IPO9: variants seen among roughly 807,000 people sequenced by gnomAD.
The protein encoded by IPO9 is importin-9.
Under a neutral mutation model 128.6 loss-of-function variants are expected in IPO9, and 28 were observed. The observed-to-expected ratio is 0.22, with a 90% CI of 0.16 to 0.30. The LOEUF (loss-of-function observed/expected upper bound fraction) is 0.30. Ranked by LOEUF, IPO9 falls within the 10% of genes least tolerant of loss-of-function variation. IPO9 has a pLI of 1.00. For missense variants in IPO9, 935 were observed against 1,293.9 expected (o/e 0.72, Z 4.26); for synonymous variants, 455 against 475.8 (o/e 0.96, Z 0.57).
intron 1 of IPO9, among the ~76,000 whole-genome samples, chr1:201,844,898 A>G (rs968194723): frequency 2.0e-5 from 3 of 152,236 alleles, no homozygotes; most frequent in African/African-American, 7.2e-5. Context: ...AATAATAGCA[A>G]AATAACTTAT....
intron 17 of IPO9, 29 bp downstream of exon 17, chr1:201,869,747 G>A (rs1193349000): frequency 1.3e-5 from 21 of 1,611,972 alleles, no homozygotes; most frequent in Non-Finnish European, 1.7e-5. Flanking sequence ...GTAGAAGAGG[G>A]AAGATAGCTC....
rs1194270702 is a variant in IPO9 at position 201,876,194 on chromosome 1, A to T, written c.*140A>T. 1.3e-6 allele frequency: 1 copy of T among 756,974 alleles called. No individual in the cohort carries two copies. Among genetic ancestry groups the T allele is most frequent in the Non-Finnish European group, 2.5e-6 (1 of 407,768 alleles). 46.9% of individuals were successfully genotyped at this position (756,974 alleles called of 1,614,324 possible). On this transcript the variant is annotated 3_prime_UTR_variant, in exon 24 of 24. Transcript: ENST00000361565. Reference sequence around the variant, plus strand: ...GCCCTTGGCCTCGGCAGTGACACTGATGACAATTCAGACCAGGCTCACCGG... The same window carrying T: ...GCCCTTGGCCTCGGCAGTGACACTGTTGACAATTCAGACCAGGCTCACCGG...
rs769997412 is a variant in IPO9 at position 201,875,924 on chromosome 1, A to G, written c.3016-20A>G. 1.8e-5 allele frequency: 26 copies of G among 1,479,104 alleles called. No individual in the cohort carries two copies. The highest frequency in any genetic ancestry group is 2.0e-5 in the Non-Finnish European group (21 of 1,057,732). The allele number at this position is 1,479,104 out of a possible 1,614,324, so 91.6% of individuals were successfully genotyped here. ...TGACTTGCAATGTCTCACTAATGCC[A>G]CTCTTGCTCTTTCCTCCAGGCATAT... On this transcript the variant is annotated intron_variant, in intron 23 of 23. Coordinates refer to ENST00000361565, the MANE Select transcript of IPO9 (RefSeq NM_018085.5).
intron 21 of IPO9, 99 bp from the exon 22 acceptor site, chr1:201,874,733 C>A: frequency 1.2e-6 from 1 of 816,096 alleles, no homozygotes; most frequent in Non-Finnish European, 2.1e-6. Flanking sequence ...AGCCACATTG[C>A]AGAAGCCTTT....
intron 4 of IPO9, among the ~76,000 whole-genome samples, chr1:201,851,161 A>G (rs1383639049): frequency 1.4e-5 from 2 of 147,026 alleles, no homozygotes; most frequent in Non-Finnish European, 3.0e-5. Flanking sequence ...GACTGCAGAC[A>G]CATGCCACCA....
chr1:201,851,010 TTTTATTTA>T (rs745557334), intron 4 of IPO9, among the ~76,000 whole-genome samples: 1 of 151,830 alleles, frequency 6.6e-6, no homozygotes, highest in Non-Finnish European at 1.5e-5. Flanking sequence ...TTATTTTTAG[TTTTATTTA>T]TTTATTTATT....
intron 14 of IPO9, among the ~76,000 whole-genome samples, 188 bp from the exon 15 acceptor site, chr1:201,866,545 A>G (rs1322616098): frequency 6.6e-6 from 1 of 152,168 alleles, no homozygotes; most frequent in African/African-American, 2.4e-5. Flanking sequence ...AAAGAAATAA[A>G]TTACAGAACA....
intron 12 of IPO9, 100 bp downstream of exon 12, chr1:201,858,653 TTTTAA>T: frequency 1.1e-6 from 1 of 886,508 alleles, no homozygotes; most frequent in Non-Finnish European, 1.7e-6. Flanking sequence ...GAAAATCTGG[TTTTAA>T]TTTAATAACA....
At chr1:201,853,124 G>A in intron 6 of IPO9, 27 bp downstream of exon 6, 1 of 1,585,298 alleles carries the variant, frequency 6.3e-7, no homozygotes, top group Non-Finnish European at 8.7e-7. Context: ...ATCAATAACA[G>A]ACTTCATGCT....
chr1:201,851,580 C>G (rs923846251), intron 4 of IPO9, among the ~76,000 whole-genome samples: 3 of 151,656 alleles, frequency 2.0e-5, no homozygotes, highest in Admixed American at 1.3e-4. Flanking sequence ...CCCATTTGTT[C>G]CAGTTAGCAG....
intron 20 of IPO9, 108 bp from the exon 21 acceptor site, chr1:201,874,142 G>T (rs555772685): frequency 8.7e-7 from 1 of 1,146,876 alleles, no homozygotes; most frequent in African/African-American, 1.5e-5. Flanking sequence ...TACAGTGAAA[G>T]TCTGAGGGGT....
At chr1:201,829,957 G>A (rs1187454474) in intron 1 of IPO9, among the ~76,000 whole-genome samples, 1 of 152,122 alleles carries the variant, frequency 6.6e-6, no homozygotes, top group Non-Finnish European at 1.5e-5. Flanking sequence ...CATACTTAAC[G>A]TTTATTTTAA....
In IPO9 at chr1:201,829,470, G is replaced by C. The variant is rs1435916657; in HGVS notation, c.163+98G>C. On this transcript the variant is annotated intron_variant, in intron 1 of 23. Coordinates refer to ENST00000361565, the MANE Select transcript of IPO9 (RefSeq NM_018085.5). The stretch of plus-strand genomic sequence containing the variant: ...GGACATGGGGAGCCTGAGCCAGTTG[G>C]AGATGTGGGCGCCGAGAAGTGGAGC... 9.5e-6 allele frequency: 12 copies of C among 1,257,024 alleles called. No individual in the cohort carries two copies. In the East Asian group the frequency reaches 3.1e-4, roughly 33 times the overall value. 77.9% of individuals were successfully genotyped at this position (1,257,024 alleles called of 1,614,324 possible). A position where few individuals can be genotyped will look rare whatever the true frequency, so the allele number is the denominator to read the frequency against.
Position 201,848,479 on chromosome 1 carries a change from A to G in IPO9, c.399A>G (p.Ser133=). 6.2e-7 allele frequency: 1 copy of G among 1,614,196 alleles called. No individual in the cohort carries two copies. Among genetic ancestry groups the G allele is most frequent in the Non-Finnish European group, 8.5e-7 (1 of 1,180,020 alleles). The change falls in exon 4 of 24, where the codon TCA becomes TCG. Residue 133 remains serine (S), a synonymous_variant. Coordinates refer to ENST00000361565, the MANE Select transcript of IPO9 (RefSeq NM_018085.5). ...KVRSSVAYAV[S]AIAHWDWPEA... is the part of the protein sequence containing the mutation. ...GCTCCAGTGTGGCCTATGCAGTGTCAGCCATTGCCCACTGGGACTGGCCTG... is the reference window on the plus strand; with the variant it reads ...GCTCCAGTGTGGCCTATGCAGTGTCGGCCATTGCCCACTGGGACTGGCCTG...
At chr1:201,850,133 G>T (rs980014292) in intron 4 of IPO9, among the ~76,000 whole-genome samples, 4 of 152,200 alleles carry the variant, frequency 2.6e-5, no homozygotes, top group Non-Finnish European at 5.9e-5. Context: ...GGAAATTACT[G>T]TTCAGTGAGA....
At chr1:201,856,038 CAAAA>C (rs1276823910) in intron 10 of IPO9, 104 bp downstream of exon 10, 5 of 797,488 alleles carry the variant, frequency 6.3e-6, no homozygotes, top group Non-Finnish European at 9.2e-6. Context: ...AAAATAGACA[CAAAA>C]AGAATAATTT....
In IPO9 at chr1:201,875,856, C is replaced by G; in HGVS notation, c.3016-88C>G. The G allele has an allele frequency of 3.7e-6, 3 of 808,606 alleles. 1 individual carries two copies. The East Asian group carries it at 7.3e-5, about 20-fold the overall frequency. 50.1% of individuals were successfully genotyped at this position (808,606 alleles called of 1,614,324 possible). A position where few individuals can be genotyped will look rare whatever the true frequency, so the allele number is the denominator to read the frequency against. On this transcript the variant is annotated intron_variant, in intron 23 of 23. Transcript: ENST00000361565. ...TGGCATTTGTCTAAAAACCAGCATT[C>G]CCTGTGCCATTTGATTGTGGTTCTT...
chr1:201,864,169 A>G (rs1005721663), intron 14 of IPO9, among the ~76,000 whole-genome samples: 2 of 152,248 alleles, frequency 1.3e-5, no homozygotes, highest in Non-Finnish European at 2.9e-5. Context: ...ACTGAATCCT[A>G]TAACTACCAA....
In IPO9 at chr1:201,883,869, A is replaced by G. The variant is rs1680934874; in HGVS notation, c.*7815A>G. The G allele has an allele frequency of 6.6e-6, 1 of 152,280 alleles. No homozygotes were observed. The highest frequency in any genetic ancestry group is 2.4e-5 in the African/African-American group (1 of 41,474). The allele number at this position is 152,280 out of a possible 1,614,324, so 9.4% of individuals were successfully genotyped here. ...ACAGGGAGGTTCACAGCAAGAGCAC[A>G]GAAACTAGGGCCAGTGCCCGGTTGT... On this transcript the variant is annotated 3_prime_UTR_variant, in exon 24 of 24. Transcript: ENST00000361565.
Sources: allele counts gnomAD v4.1 joint callset (sites outside exome capture counted in the v4.1 genomes callset), GRCh38; gene constraint gnomAD v4.1.1; transcripts MANE v1.5; gene names NCBI Gene and HGNC (gene_info 2026-07-23, HGNC 2026-07-21).